ENAH: variants seen among roughly 807,000 people sequenced by gnomAD.
ENAH encodes ENAH actin regulator, also known as protein enabled homolog.
In ENAH, 23 loss-of-function variants were observed where a neutral mutation model predicts 78.7. The observed-to-expected ratio is 0.29, with a 90% CI of 0.21 to 0.41. ENAH has a LOEUF of 0.41. ENAH is among the 10% of genes least tolerant of loss of function. The pLI, the probability that ENAH is intolerant of heterozygous loss-of-function variation, is 1.00. For synonymous variants in ENAH, 226 were observed against 241.0 expected (o/e 0.94, Z 0.58); for missense variants, 544 against 691.0 (o/e 0.79, Z 2.39).
At chr1:225,519,673 T>TA (rs2096452724) in intron 4 of ENAH, 108 bp from the exon 5 acceptor site, 1 of 1,472,272 alleles carries the variant, frequency 6.8e-7, no homozygotes, top group Non-Finnish European at 9.1e-7. Flanking sequence ...AAAAGCAATG[T>TA]AGAGCATGCA....
rs1043469422 is a variant in ENAH at position 225,492,039 on chromosome 1, T to G, written c.*5736A>C. 2 of 152,046 alleles carry G rather than the reference T, an allele frequency of 1.3e-5. No homozygotes were observed. Among genetic ancestry groups the G allele is most frequent in the East Asian group, 3.9e-4 (2 of 5,190 alleles). 9.4% of individuals were successfully genotyped at this position (152,046 alleles called of 1,614,324 possible). ...AAACTGGGCTCTCTAATGAAATATG[T>G]AAGCTTTTCTAATAATTTCTATGAA... On this transcript the variant is annotated 3_prime_UTR_variant, in exon 14 of 14. Transcript: ENST00000366843.
intron 1 of ENAH, among the ~76,000 whole-genome samples, chr1:225,618,137 C>A (rs535424866): frequency 5.6e-4 from 85 of 152,276 alleles, no homozygotes; most frequent in Middle Eastern, 6.8e-3. Flanking sequence ...CCAACTTGCA[C>A]CTAATCCCAA....
At chr1:225,626,413 G>A (rs1657959286) in intron 1 of ENAH, among the ~76,000 whole-genome samples, 1 of 152,234 alleles carries the variant, frequency 6.6e-6, no homozygotes, top group Non-Finnish European at 1.5e-5. Context: ...ATTGCAAGGT[G>A]GGGCCTTTGG....
At chr1:225,599,280 T>C (rs1308580719) in intron 1 of ENAH, among the ~76,000 whole-genome samples, 4 of 151,784 alleles carry the variant, frequency 2.6e-5, no homozygotes, top group Non-Finnish European at 5.9e-5. Context: ...TGAAATGTAA[T>C]GGTAGAATCC....
chr1:225,634,233 A>G (rs943135581), intron 1 of ENAH, among the ~76,000 whole-genome samples: 8 of 152,246 alleles, frequency 5.3e-5, no homozygotes, highest in Non-Finnish European at 8.8e-5. Context: ...TTTTGTAATA[A>G]AAGTAGGAAA....
Position 225,491,692 on chromosome 1 carries a change from AAAATTAACTCTC to A in ENAH, c.*6071_*6082del, listed in dbSNP as rs1222840851. The A allele has an allele frequency of 6.6e-6, 1 of 152,040 alleles. No homozygotes were observed. Among genetic ancestry groups the A allele is most frequent in the Non-Finnish European group, 1.5e-5 (1 of 68,032 alleles). The allele number at this position is 152,040 out of a possible 1,614,324, so 9.4% of individuals were successfully genotyped here. ...GATGGAAACTTTTGGACTTGATGGG[AAAATTAACTCTC>A]AATCTAAACACTAGCCAATGTAGAC... On this transcript the variant is annotated 3_prime_UTR_variant, in exon 14 of 14. Transcript: ENST00000366843.
chr1:225,522,805 G>A (rs1300819345), intron 4 of ENAH, among the ~76,000 whole-genome samples: 1 of 152,078 alleles, frequency 6.6e-6, no homozygotes, highest in Non-Finnish European at 1.5e-5. Flanking sequence ...ATTCTAATTA[G>A]AACAAATTTA....
intron 3 of ENAH, among the ~76,000 whole-genome samples, chr1:225,532,841 A>T (rs1266776073): frequency 6.6e-6 from 1 of 152,078 alleles, no homozygotes; most frequent in Non-Finnish European, 1.5e-5. Flanking sequence ...ACTACAGTTT[A>T]TTCCTGCAGC....
In ENAH at chr1:225,517,259, A is replaced by T; in HGVS notation, c.850T>A (p.Ser284Thr). ...ETPLNSVLGD[S>T]SASEPGLQAA... Reference sequence around the variant, plus strand: ...TGCAAGCCTGGCTCAGAAGCAGAAGAGTCTCCCAGCACAGAGTTTAGAGGA... The same window carrying T: ...TGCAAGCCTGGCTCAGAAGCAGAAGTGTCTCCCAGCACAGAGTTTAGAGGA... The change falls in exon 6 of 14, where the codon TCT (serine) becomes ACT (threonine). Residue 284 changes from serine to threonine, a missense_variant. Ser to Thr is a moderately conservative substitution (Grantham distance 58). Around this residue, in one of 4 missense-constraint regions of ENAH, gnomAD observed 366 missense variants for 396.1 expected, o/e 0.92. Coordinates refer to ENST00000366843, the MANE Select transcript of ENAH (RefSeq NM_018212.6). 1 of 1,551,606 alleles carries T rather than the reference A, an allele frequency of 6.4e-7. No homozygotes were observed. The highest frequency in any genetic ancestry group is 8.7e-7 in the Non-Finnish European group (1 of 1,147,008).
At chr1:225,652,336 C>A in intron 1 of ENAH, 1 of 985,420 alleles carries the variant, frequency 1.0e-6, no homozygotes, top group Non-Finnish European at 1.2e-6. Context: ...CAGCAACACG[C>A]ACGCTTCGAT....
At chr1:225,630,128 A>G (rs1247500400) in intron 1 of ENAH, among the ~76,000 whole-genome samples, 2 of 152,198 alleles carry the variant, frequency 1.3e-5, no homozygotes, top group East Asian at 1.9e-4. Flanking sequence ...AAATATTTAG[A>G]AAAAAAATGT....
intron 1 of ENAH, chr1:225,581,349 C>G (rs2096816690): frequency 1.1e-6 from 1 of 945,178 alleles, no homozygotes; most frequent in Admixed American, 6.2e-5. Flanking sequence ...TTAAAAATAT[C>G]AAGTGTGGCT....
intron 1 of ENAH, chr1:225,581,235 G>T (rs2096815943): frequency 1.0e-6 from 1 of 971,558 alleles, no homozygotes; most frequent in Non-Finnish European, 1.2e-6. Context: ...CTCAGTAACT[G>T]AATAGATTAT....
intron 1 of ENAH, among the ~76,000 whole-genome samples, chr1:225,611,964 CT>C (rs1029127771): frequency 2.0e-4 from 31 of 152,200 alleles, no homozygotes; most frequent in African/African-American, 7.5e-4. Flanking sequence ...AATTAAAACC[CT>C]CATCCACTGC....
chr1:225,490,113 TA>T lies in ENAH; in HGVS notation c.*7661del, dbSNP rs1031292377. ...ACTAGCCCCACAGCCTGAAAACTGG[TA>T]AAGTCAGTCCCAGTCCAATGACCTG... is the stretch of plus-strand genomic sequence containing the variant. On this transcript the variant is annotated 3_prime_UTR_variant, in exon 14 of 14. Coordinates refer to ENST00000366843, the MANE Select transcript of ENAH (RefSeq NM_018212.6). 6.6e-6 allele frequency: 1 copy of T among 151,872 alleles called. No homozygotes were observed. Among genetic ancestry groups the T allele is most frequent in the Non-Finnish European group, 1.5e-5 (1 of 68,004 alleles). 9.4% of individuals were successfully genotyped at this position (151,872 alleles called of 1,614,324 possible). A position where few individuals can be genotyped will look rare whatever the true frequency, so the allele number is the denominator to read the frequency against.
intron 1 of ENAH, among the ~76,000 whole-genome samples, chr1:225,621,604 T>C (rs1450852358): frequency 1.3e-5 from 2 of 152,210 alleles, no homozygotes; most frequent in African/African-American, 4.8e-5. Context: ...AATCTATCTC[T>C]TAATCAACCA....
intron 1 of ENAH, among the ~76,000 whole-genome samples, chr1:225,620,016 C>T (rs575955330): frequency 6.6e-6 from 1 of 152,222 alleles, no homozygotes; most frequent in African/African-American, 2.4e-5. Context: ...TAGTGTAACA[C>T]ATACTTCAAG....
chr1:225,621,011 A>G (rs1354999412), intron 1 of ENAH, among the ~76,000 whole-genome samples: 1 of 152,168 alleles, frequency 6.6e-6, no homozygotes, highest in African/African-American at 2.4e-5. Context: ...TCAAAAAAAA[A>G]GAAAAAAAAG....
At chr1:225,585,164 T>G (rs532526257) in intron 1 of ENAH, among the ~76,000 whole-genome samples, 1 of 122,446 alleles carries the variant, frequency 8.2e-6, no homozygotes, top group East Asian at 2.6e-4. Context: ...TGCAGCAAGC[T>G]GAGCTCATGC....
Sources: allele counts gnomAD v4.1 joint callset (sites outside exome capture counted in the v4.1 genomes callset), GRCh38; gene constraint gnomAD v4.1.1; regional missense constraint gnomAD v4.1.1; transcripts MANE v1.5; gene names NCBI Gene and HGNC (gene_info 2026-07-23, HGNC 2026-07-21).